Variants in AOAH observed in about 807,000 individuals in gnomAD.
AOAH encodes the protein acyloxyacyl hydrolase.
AOAH carries 64 observed loss-of-function variants against 92.2 expected under a neutral mutation model. The observed-to-expected ratio is 0.69, with a 90% confidence interval of 0.57 to 0.86. AOAH has a LOEUF of 0.86. Among genes scored for constraint, AOAH ranks in the 40% least tolerant of loss-of-function variants. AOAH has a pLI of 0.00. For synonymous variants in AOAH, 263 were observed against 254.5 expected, an observed-to-expected ratio of 1.03 and a Z score of -0.32; for missense variants, 656 against 694.6, an observed-to-expected ratio of 0.94 and a Z score of 0.62.
rs777238989 is a variant in AOAH at position 36,532,375 on chromosome 7, TCCA to T, written c.1307-34_1307-32del. 4 of 1,609,960 alleles carry T rather than the reference TCCA, an allele frequency of 2.5e-6. No individual in the cohort carries two copies. In the African/African-American group the frequency reaches 5.3e-5, roughly 21 times the overall value. ...AAACAGAGAGGTCTGGTAGATTGCA[TCCA>T]CTCGGCAATAGCAGCATTTAGAGGC... On this transcript the variant is annotated intron_variant, in intron 16 of 20. Transcript: ENST00000617537.
At chr7:36,528,495 T>G (rs1205457330) in intron 19 of AOAH, among the ~76,000 whole-genome samples, 2 of 152,190 alleles carry the variant, frequency 1.3e-5, no homozygotes. Flanking sequence ...ACGATTATGT[T>G]CCCAGCACCT....
intron 3 of AOAH, among the ~76,000 whole-genome samples, chr7:36,659,830 C>T (rs1795108447): frequency 6.6e-6 from 1 of 150,734 alleles, no homozygotes; most frequent in Non-Finnish European, 1.5e-5. Flanking sequence ...CCATTATAAC[C>T]CCTGTGACCT....
intron 1 of AOAH, among the ~76,000 whole-genome samples, chr7:36,691,490 A>G (rs1441858105): frequency 1.3e-5 from 2 of 152,156 alleles, no homozygotes; most frequent in Non-Finnish European, 2.9e-5. Context: ...GAGTCTGGAC[A>G]TGGATAGAGA....
intron 13 of AOAH, among the ~76,000 whole-genome samples, chr7:36,573,368 C>G (rs561021486): frequency 6.6e-6 from 1 of 152,180 alleles, no homozygotes; most frequent in African/African-American, 2.4e-5. Flanking sequence ...CATTCCTAAC[C>G]CCTGCACCAG....
At chr7:36,655,096 G>A (rs374965763) in intron 4 of AOAH, among the ~76,000 whole-genome samples, 1 of 152,174 alleles carries the variant, frequency 6.6e-6, no homozygotes, top group African/African-American at 2.4e-5. Context: ...AGACAGACAG[G>A]CAAGGTACAG....
intron 12 of AOAH, among the ~76,000 whole-genome samples, chr7:36,588,516 C>A (rs921493590): frequency 6.6e-6 from 1 of 152,214 alleles, no homozygotes; most frequent in Non-Finnish European, 1.5e-5. Flanking sequence ...AATTATATCA[C>A]ATGTAATTTG....
intron 11 of AOAH, among the ~76,000 whole-genome samples, chr7:36,612,081 AT>A (rs11361884): frequency 0.082 from 12,451 of 152,248 alleles, 602 homozygotes; most frequent in Middle Eastern, 0.17. Flanking sequence ...TTCCTTAGCT[AT>A]TTGCTTAAAA....
intron 3 of AOAH, among the ~76,000 whole-genome samples, 165 bp downstream of exon 3, chr7:36,673,778 C>A (rs1317785255): frequency 1.3e-5 from 2 of 152,074 alleles, no homozygotes; most frequent in Non-Finnish European, 2.9e-5. Flanking sequence ...GACGAAGGAT[C>A]CAAATTAGGT....
chr7:36,518,216 A>G (rs1397415777), intron 20 of AOAH, among the ~76,000 whole-genome samples: 1 of 151,178 alleles, frequency 6.6e-6, no homozygotes, highest in Non-Finnish European at 1.5e-5. Context: ...GTTTGTTGTT[A>G]TTGTTGTTTT....
At chr7:36,657,696 G>A (rs1043671715) in intron 4 of AOAH, among the ~76,000 whole-genome samples, 1 of 152,166 alleles carries the variant, frequency 6.6e-6, no homozygotes, top group African/African-American at 2.4e-5. Flanking sequence ...AGAAGGTGGC[G>A]GTTCCCACAT....
chr7:36,530,499 A>G lies in AOAH; in HGVS notation c.1441T>C (p.Ser481Pro). The change falls in exon 19 of 21, where the codon TCC becomes CCC. Residue 481 changes from serine (S) to proline (P), a missense_variant. By Grantham distance (74) the Ser-to-Pro change is moderately conservative. Coordinates refer to ENST00000617537, the MANE Select transcript of AOAH (RefSeq NM_001637.4). ...GCTGCAATTTTTTTCAGTGTGTTGG[A>G]GAGTTGCTCTGCTCTCTGAAGAGAG... ...TLTSERAEQL[S>P]NTLKKIAASE... 6.2e-7 allele frequency: 1 copy of G among 1,612,566 alleles called. No homozygotes were observed. Among genetic ancestry groups the G allele is most frequent in the Non-Finnish European group, 8.5e-7 (1 of 1,178,590 alleles).
chr7:36,615,615 A>G (rs776172081), intron 11 of AOAH, among the ~76,000 whole-genome samples: 7 of 152,190 alleles, frequency 4.6e-5, no homozygotes, highest in Non-Finnish European at 1.0e-4. Context: ...CCTTTGCCAC[A>G]CAATCTCCCC....
At chr7:36,715,256 A>C (rs530422352) in intron 1 of AOAH, among the ~76,000 whole-genome samples, 15 of 152,100 alleles carry the variant, frequency 9.9e-5, no homozygotes, top group African/African-American at 1.4e-4. Flanking sequence ...ACCTAGGAAT[A>C]CAACTTACAA....
intron 3 of AOAH, among the ~76,000 whole-genome samples, chr7:36,664,614 T>C (rs1464032817): frequency 6.6e-6 from 1 of 152,198 alleles, no homozygotes; most frequent in Non-Finnish European, 1.5e-5. Flanking sequence ...TGCCTCTCCA[T>C]ATAAACTTTA....
chr7:36,541,004 T>C (rs1785390447), intron 15 of AOAH, among the ~76,000 whole-genome samples: 1 of 152,268 alleles, frequency 6.6e-6, no homozygotes, highest in East Asian at 1.9e-4. Flanking sequence ...GAAAGGGGTC[T>C]GGTATTACTT....
At position 36,606,373 on chromosome 7, in the gene AOAH, T is replaced by C. The variant is rs757208663; in HGVS notation, c.846+10007A>G. On this transcript the variant is annotated intron_variant, in intron 11 of 20. Coordinates refer to ENST00000617537, the MANE Select transcript of AOAH (RefSeq NM_001637.4). The stretch of plus-strand genomic sequence containing the variant: ...GGGAGCCGCTTTGCTCTCTAGTGAA[T>C]ATGCATTTTCAGCAGCTAGATTAAG... Among the ~76,000 whole-genome samples, 4 of 152,338 alleles carry C rather than the reference T, an allele frequency of 2.6e-5. No homozygotes were observed. In the Middle Eastern group the frequency reaches 0.01, roughly 389 times the overall value.
chr7:36,609,782 T>A (rs1417822878), intron 11 of AOAH, among the ~76,000 whole-genome samples: 2 of 152,034 alleles, frequency 1.3e-5, no homozygotes, highest in East Asian at 3.9e-4. Flanking sequence ...GCACCAGGGA[T>A]CTTTCCATCC....
chr7:36,520,255 C>T (rs1250190410), intron 20 of AOAH, among the ~76,000 whole-genome samples: 1 of 152,162 alleles, frequency 6.6e-6, no homozygotes, highest in Non-Finnish European at 1.5e-5. Context: ...TAAATATATC[C>T]TGGGGGATAA....
At chr7:36,619,826 A>G (rs1240267802) in intron 9 of AOAH, among the ~76,000 whole-genome samples, 1 of 152,232 alleles carries the variant, frequency 6.6e-6, no homozygotes, top group African/African-American at 2.4e-5. Flanking sequence ...GAGGCAATTT[A>G]GACAATTTAT....
Sources: gnomAD v4.1 joint callset for allele counts (sites outside exome capture counted in the v4.1 genomes callset) on GRCh38, gnomAD v4.1.1 for gene constraint, MANE v1.5 for transcripts, NCBI Gene and HGNC (gene_info 2026-07-23, HGNC 2026-07-21) for gene names.